The following DNAH12 variants were observed in gnomAD, a reference collection of about 807,000 sequenced individuals.
The protein encoded by DNAH12 is dynein axonemal heavy chain 12.
Under a neutral mutation model 371.5 loss-of-function variants are expected in DNAH12, and 285 were observed. The ratio of observed to expected loss-of-function variants is 0.77; its 90% CI spans 0.70 to 0.85. The LOEUF (loss-of-function observed/expected upper bound fraction) is 0.85, where lower values mean the gene tolerates loss of function less well. DNAH12 is among the 40% of genes least tolerant of loss of function. The pLI, the probability that DNAH12 is intolerant of heterozygous loss-of-function variation, is 0.00. For missense variants in DNAH12, 3,611 were observed against 3,689.4 expected (o/e 0.98, Z 0.55); for synonymous variants, 1,200 against 1,213.0 (o/e 0.99, Z 0.22).
intron 4 of DNAH12, among the ~76,000 whole-genome samples, chr3:57,523,306 C>A (rs2068515425): frequency 6.6e-6 from 1 of 152,026 alleles, no homozygotes; most frequent in South Asian, 2.1e-4. Flanking sequence ...ACTGCTTGAG[C>A]CTGAGTGGTG....
At chr3:57,340,250 C>A (rs529249745) in intron 60 of DNAH12, among the ~76,000 whole-genome samples, 11 of 151,452 alleles carry the variant, frequency 7.3e-5, no homozygotes, top group African/African-American at 1.2e-4. Context: ...GCTAATGATG[C>A]ACCTCAAGAA....
chr3:57,461,666 C>G lies in DNAH12; in HGVS notation c.2559G>C (p.Met853Ile). 1.3e-6 allele frequency: 2 copies of G among 1,550,792 alleles called. No homozygotes were observed. Among genetic ancestry groups the G allele is most frequent in the Non-Finnish European group, 1.7e-6 (2 of 1,146,754 alleles). ...CTTCCCAAGTTCCTATCATTGTATT[C>G]ATGGCTTTCTCTAATGAAAATTCCT... ...ASKEFSLEKA[M>I]NTMIGTWEDI... Residue 853 changes from methionine (M) to isoleucine (I), a missense_variant, in exon 19 of 74, where the codon ATG becomes ATC. By Grantham distance (10) the Met-to-Ile change is conservative. This residue lies in a region of DNAH12 where 1,314 missense variants were observed against 1,398.7 expected (regional missense o/e 0.94). Transcript: ENST00000495027.
In DNAH12 at chr3:57,502,379, A is replaced by C; in HGVS notation, c.1187T>G (p.Leu396Arg). ...EHVLHWAVDT[L>R]KAAVHRNLEG... ...TAAGTTCCGATGTACTGCTGCCTTC[A>C]GTGTATCAACAGCCCAGTGTAACAC... Residue 396 changes from leucine (L) to arginine (R), a missense_variant, in exon 10 of 74, where the codon CTG becomes CGG. By Grantham distance (102) the Leu-to-Arg change is moderately radical. Around this residue, in one of 3 missense-constraint regions of DNAH12, gnomAD observed 1,314 missense variants for 1,398.7 expected, o/e 0.94. Transcript: ENST00000495027. 1.2e-6 allele frequency: 2 copies of C among 1,614,176 alleles called. No homozygotes were observed. Among genetic ancestry groups the C allele is most frequent in the Non-Finnish European group, 1.7e-6 (2 of 1,180,040 alleles).
At chr3:57,513,937 C>G (rs191105335) in intron 4 of DNAH12, among the ~76,000 whole-genome samples, 1 of 152,236 alleles carries the variant, frequency 6.6e-6, no homozygotes, top group African/African-American at 2.4e-5. Flanking sequence ...ATACCTCCAG[C>G]AGTATGAAAG....
chr3:57,510,825 G>A lies in DNAH12; in HGVS notation c.434C>T (p.Ser145Leu). ...ELLESLINEV[S>L]SDFENSMKRY... ...CTTCATGCTGTTTTCAAAGTCACTT[G>A]ACACCTCATTTATGAGACTTTCAAG... The change falls in exon 5 of 74, where the codon TCA (serine) becomes TTA (leucine). Residue 145 changes from serine to leucine, a missense_variant. Physicochemically the swap from Ser to Leu is moderately radical, Grantham distance 145. Coordinates refer to ENST00000495027, the MANE Select transcript of DNAH12 (RefSeq NM_001366028.2). 1 of 1,613,956 alleles carries A rather than the reference G, an allele frequency of 6.2e-7. No individual in the cohort carries two copies. The highest frequency in any genetic ancestry group is 1.1e-5 in the South Asian group (1 of 91,038).
intron 12 of DNAH12, among the ~76,000 whole-genome samples, chr3:57,485,993 G>C (rs1038770876): frequency 6.6e-6 from 1 of 151,854 alleles, no homozygotes; most frequent in Non-Finnish European, 1.5e-5. Flanking sequence ...GTCCAGGAGG[G>C]TAGATCACTT....
chr3:57,452,600 C>T (rs2065787629), intron 25 of DNAH12, among the ~76,000 whole-genome samples: 1 of 152,216 alleles, frequency 6.6e-6, no homozygotes, highest in African/African-American at 2.4e-5. Flanking sequence ...TCAATACTCT[C>T]CTCTTTCTAA....
intron 32 of DNAH12, among the ~76,000 whole-genome samples, chr3:57,430,916 T>C (rs2064936644): frequency 6.6e-6 from 1 of 152,226 alleles, no homozygotes; most frequent in South Asian, 2.1e-4. Context: ...TATTTATATT[T>C]AATTTTAGCT....
At position 57,338,356 on chromosome 3, in the gene DNAH12, G is replaced by A. The variant is rs552359402; in HGVS notation, c.9675-3416C>T. ...GAGTGCAGTGGCGTGATCTCCGCCC[G>A]GCTGCCCCGTCTGGGATGTGAGGAG... On this transcript the variant is annotated intron_variant, in intron 60 of 73. Transcript: ENST00000495027. 9.8e-5 allele frequency among the ~76,000 whole-genome samples: 15 copies of A among 152,304 alleles called. No individual in the cohort carries two copies. In the East Asian group the frequency reaches 2.5e-3, roughly 25 times the overall value.
chr3:57,534,337 A>AT (rs551576932), intron 2 of DNAH12, among the ~76,000 whole-genome samples: 56 of 151,808 alleles, frequency 3.7e-4, no homozygotes, highest in Non-Finnish European at 7.2e-4. Context: ...TTCTCATCTG[A>AT]TTTTTTGGTT....
intron 2 of DNAH12, among the ~76,000 whole-genome samples, chr3:57,537,560 T>C (rs1473471741): frequency 6.6e-6 from 1 of 152,130 alleles, no homozygotes; most frequent in African/African-American, 2.4e-5. Context: ...GCTCCTGTCA[T>C]CTAACAGGTG....
chr3:57,398,614 A>T (rs1372885983), intron 43 of DNAH12, among the ~76,000 whole-genome samples: 1 of 152,218 alleles, frequency 6.6e-6, no homozygotes, highest in East Asian at 1.9e-4. Flanking sequence ...TCTCAGCACA[A>T]ATTTTACAGA....
intron 62 of DNAH12, among the ~76,000 whole-genome samples, chr3:57,330,155 T>C (rs374990276): frequency 0.089 from 13,363 of 150,256 alleles, 1,986 homozygotes; most frequent in African/African-American, 0.32. Context: ...GTCAGTATGG[T>C]GATTCCTCAG....
chr3:57,353,843 C>T (rs1349588559), intron 59 of DNAH12, among the ~76,000 whole-genome samples: 19 of 152,030 alleles, frequency 1.2e-4, no homozygotes, highest in African/African-American at 4.3e-4. Flanking sequence ...TCACACCAGT[C>T]AGAATGGCTA....
chr3:57,501,708 A>T (rs1162413122), intron 10 of DNAH12, among the ~76,000 whole-genome samples: 1 of 152,204 alleles, frequency 6.6e-6, no homozygotes, highest in Non-Finnish European at 1.5e-5. Context: ...GAATAACCAT[A>T]CATCCTGACC....
At chr3:57,519,217 A>G (rs1374302783) in intron 4 of DNAH12, among the ~76,000 whole-genome samples, 7 of 152,172 alleles carry the variant, frequency 4.6e-5, no homozygotes, top group South Asian at 2.1e-4. Flanking sequence ...ATGTCTGTTC[A>G]TATCTTTCTT....
intron 60 of DNAH12, among the ~76,000 whole-genome samples, chr3:57,346,236 A>G (rs2062539101): frequency 6.6e-6 from 1 of 152,138 alleles, no homozygotes; most frequent in South Asian, 2.1e-4. Flanking sequence ...AATAATAGCA[A>G]CAATGTATTT....
chr3:57,347,074 A>G (rs1217213843), intron 60 of DNAH12, among the ~76,000 whole-genome samples: 1 of 152,198 alleles, frequency 6.6e-6, no homozygotes, highest in African/African-American at 2.4e-5. Context: ...AATTAAACCA[A>G]TTCCACCATG....
intron 2 of DNAH12, 140 bp from the exon 3 acceptor site, chr3:57,524,024 C>T: frequency 6.0e-6 from 3 of 498,678 alleles, no homozygotes; most frequent in Non-Finnish European, 1.0e-5. Flanking sequence ...GAAACAAATC[C>T]CAATAGACAT....
Sources: allele counts gnomAD v4.1 joint callset (sites outside exome capture counted in the v4.1 genomes callset), GRCh38; gene constraint gnomAD v4.1.1; regional missense constraint gnomAD v4.1.1; transcripts MANE v1.5; gene names NCBI Gene and HGNC (gene_info 2026-07-23, HGNC 2026-07-21).